SPG7: variants seen among roughly 807,000 people sequenced by gnomAD.
SPG7 encodes the protein mitochondrial inner membrane m-AAA protease component paraplegin.
Under a neutral mutation model 81.9 loss-of-function variants are expected in SPG7, and 103 were observed. The observed-to-expected ratio is 1.26, with a 90% CI of 1.07 to 1.48. The LOEUF (loss-of-function observed/expected upper bound fraction) is 1.48, where lower values mean the gene tolerates loss of function less well. SPG7 is among the 40% of genes most tolerant of loss of function. The probability of loss-of-function intolerance (pLI) is 0.00; values close to 1 mark genes in which losing one functional copy is unlikely to be tolerated. For synonymous variants in SPG7, 534 were observed against 444.2 expected (o/e 1.20, Z -2.54); for missense variants, 1,241 against 1,087.3 (o/e 1.14, Z -1.99).
At chr16:89,527,541 A>C (rs1332377017) in intron 5 of SPG7, among the ~76,000 whole-genome samples, 1 of 152,218 alleles carries the variant, frequency 6.6e-6, no homozygotes, top group Non-Finnish European at 1.5e-5. Context: ...GAGGACCGTG[A>C]TAATGTCCTG....
At chr16:89,527,205 G>A (rs957605063) in intron 5 of SPG7, 1 of 153,540 alleles carries the variant, frequency 6.5e-6, no homozygotes, top group African/African-American at 2.4e-5. Context: ...TTCTGTGCTT[G>A]GTTAAACCTG....
intron 1 of SPG7, among the ~76,000 whole-genome samples, chr16:89,510,155 AG>A (rs1448271890): frequency 2.6e-5 from 4 of 151,380 alleles, no homozygotes; most frequent in Non-Finnish European, 5.9e-5. Flanking sequence ...TTGTATTTTT[AG>A]TAGAGATGAG....
intron 3 of SPG7, chr16:89,519,783 T>A (rs1026727437): frequency 1.3e-5 from 2 of 152,242 alleles, no homozygotes; most frequent in African/African-American, 4.8e-5. Flanking sequence ...AGGCCTCTCC[T>A]CTGTCAGGGT....
rs1297983632 is a variant in SPG7, at chr16:89,557,353, A to C, written c.*260A>C. 3.8e-6 allele frequency: 2 copies of C among 520,258 alleles called. No individual in the cohort carries two copies. The highest frequency in any genetic ancestry group is 3.8e-5 in the African/African-American group (2 of 52,252). 32.2% of individuals were successfully genotyped at this position (520,258 alleles called of 1,614,324 possible). Reference sequence around the variant, plus strand: ...AGTGCTTCCCGAGTGAGCATGGAACACTTCGAGTTCCCAGGGTTATAGACA... The same window carrying C: ...AGTGCTTCCCGAGTGAGCATGGAACCCTTCGAGTTCCCAGGGTTATAGACA... On this transcript the variant is annotated 3_prime_UTR_variant, in exon 17 of 17. Transcript: ENST00000645818.
chr16:89,516,021 CTT>C (rs1597609611), intron 3 of SPG7, among the ~76,000 whole-genome samples: 1 of 150,620 alleles, frequency 6.6e-6, no homozygotes, highest in African/African-American at 2.4e-5. Context: ...GAGTTTCACT[CTT>C]GTTTCCCAGG....
intron 2 of SPG7, 146 bp downstream of exon 2, chr16:89,510,738 C>T (rs1437973317): frequency 1.5e-6 from 1 of 684,108 alleles, no homozygotes; most frequent in Non-Finnish European, 2.7e-6. Flanking sequence ...GATCAGAGCT[C>T]ACTACAGCCT....
chr16:89,554,922 C>CT (rs112952235), intron 16 of SPG7: 6,042 of 222,676 alleles, frequency 0.027, no homozygotes, highest in South Asian at 0.061. Flanking sequence ...ATTTTTTTTT[C>CT]TTTTTTTTTT....
At chr16:89,534,370 G>C (rs544996956) in intron 9 of SPG7, among the ~76,000 whole-genome samples, 2 of 152,236 alleles carry the variant, frequency 1.3e-5, no homozygotes, top group Non-Finnish European at 2.9e-5. Flanking sequence ...GCTGCCTTGT[G>C]TGTAGGGGCT....
At chr16:89,513,525 A>G (rs1309080897) in intron 3 of SPG7, among the ~76,000 whole-genome samples, 1 of 152,066 alleles carries the variant, frequency 6.6e-6, no homozygotes, top group East Asian at 1.9e-4. Flanking sequence ...TCAAAAAAAA[A>G]AAAATTTAAA....
Position 89,523,708 on chromosome 16 carries a change from G to A in SPG7, c.377-298G>A, listed in dbSNP as rs185698845. 2,397 of 511,062 alleles carry A rather than the reference G, an allele frequency of 4.7e-3. 11 individuals carry two copies. Among genetic ancestry groups the A allele is most frequent in the Non-Finnish European group, 6.9e-3 (1,805 of 263,198 alleles). The allele number at this position is 511,062 out of a possible 1,614,324, so 31.7% of individuals were successfully genotyped here. ...CTCCCAAGTAGCTGGGACCACAGGC[G>A]TGCACCGTTGTGCCCAGGTCTAAGT... On this transcript the variant is annotated intron_variant, in intron 3 of 16. Coordinates refer to ENST00000645818, the MANE Select transcript of SPG7 (RefSeq NM_003119.4).
intron 16 of SPG7, chr16:89,556,308 C>G (rs1234181176): frequency 5.4e-6 from 2 of 372,868 alleles, no homozygotes; most frequent in Non-Finnish European, 9.4e-6. Flanking sequence ...AGGTAATTAA[C>G]AACAACAACA....
intron 9 of SPG7, among the ~76,000 whole-genome samples, chr16:89,534,727 G>T (rs1185988007): frequency 1.3e-5 from 2 of 152,242 alleles, no homozygotes; most frequent in Non-Finnish European, 2.9e-5. Flanking sequence ...ACGGTAGTCA[G>T]AGTGTTCTTT....
At chr16:89,549,437 T>C (rs1032694891) in intron 12 of SPG7, 16 of 360,760 alleles carry the variant, frequency 4.4e-5, no homozygotes, top group East Asian at 1.5e-4. Context: ...GGCAGGAGGG[T>C]TGCTTGAGGC....
intron 3 of SPG7, chr16:89,523,732 G>A: frequency 1.8e-6 from 1 of 570,958 alleles, no homozygotes; most frequent in Non-Finnish European, 3.3e-6. Context: ...CCAGGTCTAA[G>A]TGTTTCGATT....
intron 9 of SPG7, chr16:89,541,955 G>T (rs1303968417): frequency 1.3e-5 from 2 of 151,884 alleles, no homozygotes; most frequent in Admixed American, 6.5e-5. Flanking sequence ...CCGGTGGGGA[G>T]CACGTGCCCC....
chr16:89,512,711 T>C (rs1157839230), intron 2 of SPG7, among the ~76,000 whole-genome samples: 1 of 152,242 alleles, frequency 6.6e-6, no homozygotes, highest in Non-Finnish European at 1.5e-5. Flanking sequence ...CATTAGCAAT[T>C]TAAGTAGCAA....
chr16:89,544,945 C>G (rs1246794327), intron 10 of SPG7, 173 bp downstream of exon 10: 1 of 749,334 alleles, frequency 1.3e-6, no homozygotes. Flanking sequence ...AGCAGACCTG[C>G]CCACCGGCTG....
intron 4 of SPG7, among the ~76,000 whole-genome samples, chr16:89,525,339 T>C (rs1489999431): frequency 6.6e-6 from 1 of 152,228 alleles, no homozygotes; most frequent in Admixed American, 6.5e-5. Context: ...AAGACGGTGC[T>C]CATTCACGTA....
intron 12 of SPG7, chr16:89,548,635 T>C: frequency 3.1e-6 from 1 of 318,252 alleles, no homozygotes; most frequent in Non-Finnish European, 6.2e-6. Context: ...GGGAGATGAG[T>C]TTTGGTGACG....
Sources: allele counts gnomAD v4.1 joint callset (sites outside exome capture counted in the v4.1 genomes callset), GRCh38; gene constraint gnomAD v4.1.1; transcripts MANE v1.5; gene names NCBI Gene and HGNC (gene_info 2026-07-23, HGNC 2026-07-21).